Variants in GCN1 observed in about 807,000 individuals in gnomAD.
GCN1 encodes GCN1 activator of EIF2AK4.
A neutral mutation model predicts 288.4 loss-of-function variants in GCN1; 90 were observed. The observed-to-expected ratio is 0.31, with a 90% CI of 0.26 to 0.37. GCN1 has a LOEUF of 0.37. Among genes scored for constraint, GCN1 ranks in the 10% least tolerant of loss-of-function variants. The pLI, the probability that GCN1 is intolerant of heterozygous loss-of-function variation, is 1.00. For synonymous variants in GCN1, 1,386 were observed against 1,420.2 expected, an observed-to-expected ratio of 0.98 and a Z score of 0.54; for missense variants, 2,586 against 3,419.9, an observed-to-expected ratio of 0.76 and a Z score of 6.08.
Position 120,136,625 on chromosome 12 carries a change from C to T in GCN1, c.6885G>A (p.Ser2295=), listed in dbSNP as rs1335397662. 1.3e-5 allele frequency: 21 copies of T among 1,614,052 alleles called. No individual in the cohort carries two copies. The highest frequency in any genetic ancestry group is 1.0e-4 in the Admixed American group (6 of 60,010). Residue 2295 remains serine (S), a synonymous_variant, in exon 51 of 58, where the codon TCG becomes TCA. Transcript: ENST00000300648. ...KALGLVIRLT[S]ADALRPSVVS... ...CCACGGAGGGCCTCAGGGCGTCAGCCGAGGTCAGGCGGATTACCAAGCCTA... is the reference window on the plus strand; with the variant it reads ...CCACGGAGGGCCTCAGGGCGTCAGCTGAGGTCAGGCGGATTACCAAGCCTA...
At chr12:120,190,158 G>C in intron 2 of GCN1, 140 bp downstream of exon 2, 1 of 581,262 alleles carries the variant, frequency 1.7e-6, no homozygotes, top group East Asian at 2.9e-5. Flanking sequence ...CCAGGAGGTG[G>C]AGGTTGCAAT....
intron 33 of GCN1, 50 bp from the exon 34 acceptor site, chr12:120,151,441 ATGGT>A: frequency 6.2e-7 from 1 of 1,600,918 alleles, no homozygotes; most frequent in South Asian, 1.1e-5. Context: ...CAGCCGTTTC[ATGGT>A]TGGTGGGGGG....
chr12:120,170,384 A>G, intron 14 of GCN1, 63 bp from the exon 15 acceptor site: 1 of 1,482,490 alleles, frequency 6.7e-7, no homozygotes, highest in Non-Finnish European at 9.4e-7. Flanking sequence ...AGGACTGAGA[A>G]AGGATTTATC....
chr12:120,141,076 C>G, intron 44 of GCN1, 53 bp from the exon 45 acceptor site: 3 of 1,504,332 alleles, frequency 2.0e-6, no homozygotes, highest in Non-Finnish European at 2.7e-6. Flanking sequence ...CCCAGGGCAC[C>G]CAGAGGAGGA....
Position 120,144,543 on chromosome 12 carries a change from C to T in GCN1, c.5353-95G>A. 1.3e-6 allele frequency: 2 copies of T among 1,555,614 alleles called. No homozygotes were observed. The highest frequency in any genetic ancestry group is 1.8e-6 in the Non-Finnish European group (2 of 1,140,542). On this transcript the variant is annotated intron_variant, in intron 41 of 57. Coordinates refer to ENST00000300648, the MANE Select transcript of GCN1 (RefSeq NM_006836.2). This position sits in a 1 kb window ranked among gnomAD's most constrained non-coding sequence, Gnocchi z 4.7. ...CACTGAAGGCTGAGGGCTCTGCCAA[C>T]CAACCCCAGCCAGCAGGGATCTCTA...
At chr12:120,141,356 G>A (rs1877188298) in intron 44 of GCN1, among the ~76,000 whole-genome samples, 1 of 152,110 alleles carries the variant, frequency 6.6e-6, no homozygotes, top group African/African-American at 2.4e-5. Context: ...CTATGGCTGA[G>A]CAGGAGCCGA....
intron 14 of GCN1, among the ~76,000 whole-genome samples, chr12:120,173,058 T>C (rs568921968): frequency 9.0e-6 from 1 of 110,580 alleles, no homozygotes; most frequent in African/African-American, 4.2e-5. Context: ...TAAACCAGTC[T>C]TTTTTTTTTT....
At chr12:120,151,056 C>T in intron 34 of GCN1, 89 bp downstream of exon 34, 1 of 1,453,690 alleles carries the variant, frequency 6.9e-7, no homozygotes, top group Non-Finnish European at 9.4e-7. Flanking sequence ...CAACGGCCTC[C>T]ACCTGGGGCG....
rs1372985092 is a variant in GCN1, at chr12:120,147,072, A to T, written c.4927T>A (p.Tyr1643Asn). 6.3e-7 allele frequency: 1 copy of T among 1,582,654 alleles called. No homozygotes were observed. The highest frequency in any genetic ancestry group is 2.3e-5 in the East Asian group (1 of 44,396). The change falls in exon 38 of 58, where the codon TAC (tyrosine) becomes AAC (asparagine). Residue 1643 changes from tyrosine to asparagine, a missense_variant. Transcript: ENST00000300648. The part of the protein sequence containing the change: ...KMAAQIIGNM[Y>N]SLTDQKDLAP... ...GCTACCTTCTGGTCTGTCAGGGAGT[A>T]CATGTTGCCAATAATCTGGGCTGCC...
chr12:120,162,107 G>GC, intron 20 of GCN1, 49 bp from the exon 21 acceptor site: 1 of 1,515,692 alleles, frequency 6.6e-7, no homozygotes, highest in Non-Finnish European at 9.1e-7. Flanking sequence ...GCTGGCACTG[G>GC]CAAGAGGTCC....
At chr12:120,165,412 C>T (rs753657418) in intron 16 of GCN1, among the ~76,000 whole-genome samples, 1 of 152,020 alleles carries the variant, frequency 6.6e-6, no homozygotes, top group Non-Finnish European at 1.5e-5. Flanking sequence ...ACAGGTGATC[C>T]ACCTGCCTCG....
chr12:120,168,236 C>T lies in GCN1; in HGVS notation c.1584G>A (p.Glu528=), dbSNP rs1224589275. ...CCTCTGAAGCCATGACCAGGAATTT[C>T]TCAGAAGTGAAAACCTGCTTTTTCT... is the stretch of plus-strand genomic sequence containing the variant. The part of the protein sequence containing the change: ...VDEKKQVFTS[E]KFLVMASEDA... The change falls in exon 16 of 58, where the codon GAG becomes GAA. Residue 528 remains glutamate (E), a synonymous_variant. Coordinates refer to ENST00000300648, the MANE Select transcript of GCN1 (RefSeq NM_006836.2). The T allele has an allele frequency of 1.2e-6, 2 of 1,601,372 alleles. No individual in the cohort carries two copies. The highest frequency in any genetic ancestry group is 2.7e-5 in the African/African-American group (2 of 74,672).
At chr12:120,138,449 C>T (rs749271435) in intron 46 of GCN1, 34 bp from the exon 47 acceptor site, 3 of 1,327,288 alleles carry the variant, frequency 2.3e-6, no homozygotes, top group Non-Finnish European at 3.3e-6. Context: ...CCTGAGGAAT[C>T]TGCATCTCTG....
chr12:120,134,179 G>T lies in GCN1; in HGVS notation c.7317+112C>A. The stretch of plus-strand genomic sequence containing the variant: ...ACAGGGTGATAGAAATGTCAGGAAT[G>T]CTTATTACTACTGAGCTGTACTGGT... On this transcript the variant is annotated intron_variant, in intron 53 of 57. Coordinates refer to ENST00000300648, the MANE Select transcript of GCN1 (RefSeq NM_006836.2). The surrounding 1 kb of genome is among the most constrained non-coding windows in gnomAD (Gnocchi z 5.0). The T allele has an allele frequency of 1.5e-6, 1 of 685,030 alleles. No homozygotes were observed. The highest frequency in any genetic ancestry group is 1.7e-5 in the South Asian group (1 of 58,836). The allele number at this position is 685,030 out of a possible 1,614,324, so 42.4% of individuals were successfully genotyped here.
At chr12:120,152,730 A>G (rs928782294) in intron 33 of GCN1, among the ~76,000 whole-genome samples, 5 of 150,300 alleles carry the variant, frequency 3.3e-5, no homozygotes, top group African/African-American at 1.2e-4. Flanking sequence ...AAAGAAAAAG[A>G]AATTTATTTG....
At position 120,144,729 on chromosome 12, in the gene GCN1, A is replaced by G; in HGVS notation, c.5262T>C (p.Asp1754=). The G allele has an allele frequency of 6.2e-7, 1 of 1,614,132 alleles. No individual in the cohort carries two copies. The highest frequency in any genetic ancestry group is 8.5e-7 in the Non-Finnish European group (1 of 1,179,930). The change falls in exon 41 of 58, where the codon GAT becomes GAC. Residue 1754 remains aspartate, a synonymous_variant. Transcript: ENST00000300648. The surrounding 1 kb of genome is among the most constrained non-coding windows in gnomAD (Gnocchi z 4.7). ...SKVDIAPHVR[D]GYIMMFNYLP... ...GGTAGTTAAACATCATAATGTAGCC[A>G]TCTCGGACATGGGGTGCAATGTCCA...
chr12:120,177,545 G>A lies in GCN1; in HGVS notation c.740C>T (p.Ala247Val). 6.2e-7 allele frequency: 1 copy of A among 1,607,146 alleles called. No homozygotes were observed. Among genetic ancestry groups the A allele is most frequent in the African/African-American group, 1.3e-5 (1 of 74,834 alleles). Reference protein sequence around the residue: ...KPPKYLLDSCAPLLRYLSHSE... With the variant: ...KPPKYLLDSCVPLLRYLSHSE... ...GTGGGACAGGTATCGGAGCAGAGGG[G>A]CACAGCTATCCTACAAAGAAAAAGG... Residue 247 changes from alanine (A) to valine (V), a missense_variant, in exon 9 of 58, where the codon GCC (alanine) becomes GTC (valine). Around this residue, in one of 8 missense-constraint regions of GCN1, gnomAD observed 913 missense variants for 1,107.0 expected, o/e 0.82. Coordinates refer to ENST00000300648, the MANE Select transcript of GCN1 (RefSeq NM_006836.2).
At chr12:120,188,452 A>AC (rs1172977750) in intron 2 of GCN1, among the ~76,000 whole-genome samples, 2 of 151,064 alleles carry the variant, frequency 1.3e-5, no homozygotes, top group South Asian at 2.1e-4. Context: ...AAAAAAAAAA[A>AC]AAAAAACCTC....
Position 120,134,982 on chromosome 12 carries a change from G to A in GCN1, c.7009-256C>T, listed in dbSNP as rs12580868. On this transcript the variant is annotated intron_variant, in intron 51 of 57. Coordinates refer to ENST00000300648, the MANE Select transcript of GCN1 (RefSeq NM_006836.2). This position sits in a 1 kb window ranked among gnomAD's most constrained non-coding sequence, Gnocchi z 5.0. ...GCGGCGGCCGCTATCTGAGGGAGCTGTCTCGCAGCCTTGGCTGCGTTGGGG... is the reference window on the plus strand; with the variant it reads ...GCGGCGGCCGCTATCTGAGGGAGCTATCTCGCAGCCTTGGCTGCGTTGGGG... Among the ~76,000 whole-genome samples the A allele has an allele frequency of 0.015, 2,315 of 152,344 alleles. 45 individuals are homozygous for A. Among genetic ancestry groups the A allele is most frequent in the East Asian group, 0.1 (523 of 5,182 alleles).
Sources: gnomAD v4.1 joint callset for allele counts (sites outside exome capture counted in the v4.1 genomes callset) on GRCh38, gnomAD v4.1.1 for gene constraint, gnomAD v4.1.1 regional missense constraint, Gnocchi (gnomAD v3.1) non-coding constraint, MANE v1.5 for transcripts, NCBI Gene and HGNC (gene_info 2026-07-23, HGNC 2026-07-21) for gene names.